Variants in SORCS2 observed in about 807,000 individuals in gnomAD.
SORCS2 encodes sortilin related VPS10 domain containing receptor 2, also known as VPS10 domain-containing receptor SorCS2.
SORCS2 carries 100 observed loss-of-function variants against 141.6 expected under a neutral mutation model. That is an observed-to-expected ratio of 0.71 (90% confidence interval 0.60 to 0.83). The LOEUF is 0.83. Ranked by LOEUF, SORCS2 falls within the 40% of genes least tolerant of loss-of-function variation. The pLI, the probability that SORCS2 is intolerant of heterozygous loss-of-function variation, is 0.00. For synonymous variants in SORCS2, 789 were observed against 676.9 expected, an observed-to-expected ratio of 1.17 and a Z score of -2.57; for missense variants, 1,646 against 1,560.2, an observed-to-expected ratio of 1.05 and a Z score of -0.93.
At chr4:7,277,733 C>CCCATCCTG (rs1470734474) in intron 1 of SORCS2, among the ~76,000 whole-genome samples, 2 of 152,174 alleles carry the variant, frequency 1.3e-5, no homozygotes, top group East Asian at 3.9e-4. Flanking sequence ...CTCTGGAGGG[C>CCCATCCTG]CCATCCTGGG....
chr4:7,554,353 G>T (rs1036823394), intron 3 of SORCS2, among the ~76,000 whole-genome samples: 3 of 152,128 alleles, frequency 2.0e-5, no homozygotes, highest in African/African-American at 4.8e-5. Flanking sequence ...GGCCACCTAG[G>T]AGTATAGACC....
At position 7,501,989 on chromosome 4, in the gene SORCS2, G is replaced by A. The variant is rs74491865; in HGVS notation, c.549-29541G>A. Among the ~76,000 whole-genome samples the A allele has an allele frequency of 3.0e-3, 464 of 152,314 alleles. 1 individual carries two copies. The highest frequency in any genetic ancestry group is 0.015 in the East Asian group (77 of 5,170). The stretch of plus-strand genomic sequence containing the variant: ...GGGCGCACTCCCGGCTTCTGTGGAC[G>A]CTGAATGGGTCGTGGTCCCGCCCCT... On this transcript the variant is annotated intron_variant, in intron 2 of 26. Transcript: ENST00000507866.
intron 19 of SORCS2, among the ~76,000 whole-genome samples, chr4:7,724,169 G>GTGGTGGTGA (rs1726834299): frequency 2.0e-5 from 3 of 147,474 alleles, no homozygotes; most frequent in African/African-American, 5.2e-5. Flanking sequence ...GGTGATGGTG[G>GTGGTGGTGA]TGATGGTGAT....
chr4:7,583,581 A>G (rs1454814377), intron 3 of SORCS2, among the ~76,000 whole-genome samples: 1 of 152,172 alleles, frequency 6.6e-6, no homozygotes, highest in Non-Finnish European at 1.5e-5. Context: ...TTTCCCCCAT[A>G]CTGTTCTCAT....
At chr4:7,509,079 CT>C (rs1169822105) in intron 2 of SORCS2, among the ~76,000 whole-genome samples, 1 of 152,176 alleles carries the variant, frequency 6.6e-6, no homozygotes, top group Non-Finnish European at 1.5e-5. Flanking sequence ...AATTTCAGGG[CT>C]CAAACAGGAG....
intron 7 of SORCS2, among the ~76,000 whole-genome samples, chr4:7,665,790 C>T (rs547110338): frequency 1.7e-4 from 26 of 152,248 alleles, no homozygotes; most frequent in Non-Finnish European, 3.1e-4. Flanking sequence ...ACAGTGTCAG[C>T]TCTCTGGGCA....
intron 1 of SORCS2, among the ~76,000 whole-genome samples, chr4:7,322,230 A>G (rs942198262): frequency 2.0e-5 from 3 of 152,146 alleles, no homozygotes; most frequent in Non-Finnish European, 1.5e-5. Flanking sequence ...AGGGGCAGGG[A>G]TGAAGTGGGT....
At chr4:7,381,335 C>T (rs1722983260) in intron 1 of SORCS2, among the ~76,000 whole-genome samples, 1 of 152,164 alleles carries the variant, frequency 6.6e-6, no homozygotes, top group African/African-American at 2.4e-5. Context: ...GAGCACAGAG[C>T]TGGAGGGCGG....
intron 2 of SORCS2, among the ~76,000 whole-genome samples, chr4:7,441,519 G>A (rs926047079): frequency 1.3e-5 from 2 of 151,982 alleles, no homozygotes; most frequent in Non-Finnish European, 2.9e-5. Context: ...AGGCCGGCAG[G>A]AGAGGGAAGC....
intron 1 of SORCS2, among the ~76,000 whole-genome samples, chr4:7,270,437 C>T (rs1190729101): frequency 1.3e-5 from 2 of 152,218 alleles, no homozygotes; most frequent in Non-Finnish European, 2.9e-5. Context: ...GTTTGCACCA[C>T]CTGATTATGA....
Position 7,664,573 on chromosome 4 carries a change from G to C in SORCS2, c.1071+102G>C, listed in dbSNP as rs749519210. 2.9e-5 allele frequency: 23 copies of C among 800,262 alleles called. No individual in the cohort carries two copies. The highest frequency in any genetic ancestry group is 2.3e-4 in the Middle Eastern group (1 of 4,268). 49.6% of individuals were successfully genotyped at this position (800,262 alleles called of 1,614,324 possible). A position where few individuals can be genotyped will look rare whatever the true frequency, so the allele number is the denominator to read the frequency against. ...TCGCTCAGAAAAGAGGCAATAAAACGGGTATTTCACTCTCAAATGCTACTT... is the reference window on the plus strand; with the variant it reads ...TCGCTCAGAAAAGAGGCAATAAAACCGGTATTTCACTCTCAAATGCTACTT... On this transcript the variant is annotated intron_variant, in intron 7 of 26. Coordinates refer to ENST00000507866, the MANE Select transcript of SORCS2 (RefSeq NM_020777.3). The surrounding 1 kb of genome is among the most constrained non-coding windows in gnomAD (Gnocchi z 4.7).
intron 3 of SORCS2, among the ~76,000 whole-genome samples, chr4:7,613,444 G>A (rs1048456523): frequency 3.3e-5 from 5 of 152,146 alleles, no homozygotes; most frequent in Non-Finnish European, 5.9e-5. Context: ...GGCCTGGGCC[G>A]CCCTCCACCC....
intron 3 of SORCS2, among the ~76,000 whole-genome samples, chr4:7,606,014 G>A (rs531972337): frequency 4.6e-5 from 7 of 152,320 alleles, no homozygotes; most frequent in Middle Eastern, 3.4e-3. Flanking sequence ...AAGAGCCACC[G>A]GAGCGTGGGG....
chr4:7,287,014 C>A (rs1716270209), intron 1 of SORCS2, among the ~76,000 whole-genome samples: 1 of 152,196 alleles, frequency 6.6e-6, no homozygotes, highest in Non-Finnish European at 1.5e-5. Context: ...GCCTCCTCCT[C>A]CAGGAAGCCT....
At chr4:7,375,179 TC>T (rs1365611129) in intron 1 of SORCS2, among the ~76,000 whole-genome samples, 1 of 152,094 alleles carries the variant, frequency 6.6e-6, no homozygotes, top group Non-Finnish European at 1.5e-5. Context: ...GAAGTGGAGC[TC>T]CCTACTCTGA....
chr4:7,574,695 A>G (rs562582450), intron 3 of SORCS2, among the ~76,000 whole-genome samples: 22 of 152,128 alleles, frequency 1.4e-4, no homozygotes, highest in African/African-American at 5.1e-4. Context: ...CAGAGTGAAA[A>G]ATCATAAGGA....
chr4:7,245,254 G>T (rs1010705055), intron 1 of SORCS2, among the ~76,000 whole-genome samples: 9 of 152,152 alleles, frequency 5.9e-5, no homozygotes, highest in African/African-American at 2.2e-4. Context: ...TAGAAAACAG[G>T]CAAAGCCACA....
At chr4:7,444,582 C>T (rs530322011) in intron 2 of SORCS2, among the ~76,000 whole-genome samples, 14 of 152,246 alleles carry the variant, frequency 9.2e-5, no homozygotes, top group Admixed American at 6.5e-4. Flanking sequence ...GAAGGCGCCA[C>T]GGTCAGAGGG....
intron 2 of SORCS2, among the ~76,000 whole-genome samples, chr4:7,467,274 C>T (rs772568023): frequency 2.0e-4 from 31 of 152,194 alleles, no homozygotes; most frequent in South Asian, 6.2e-4. Flanking sequence ...TGCCTTTGTC[C>T]GTATCCACTG....
Sources: allele counts gnomAD v4.1 joint callset (sites outside exome capture counted in the v4.1 genomes callset), GRCh38; gene constraint gnomAD v4.1.1; non-coding constraint Gnocchi (gnomAD v3.1); transcripts MANE v1.5; gene names NCBI Gene and HGNC (gene_info 2026-07-23, HGNC 2026-07-21).